LRCH4: variants seen among roughly 807,000 people sequenced by gnomAD.
LRCH4 encodes leucine-rich repeat and calponin homology domain-containing protein 4.
LRCH4 carries 56 observed loss-of-function variants against 81.2 expected under a neutral mutation model. That is an observed-to-expected ratio of 0.69 (90% CI 0.56 to 0.86). LRCH4 has a LOEUF of 0.86. LRCH4 is among the 40% of genes least tolerant of loss of function. The probability of loss-of-function intolerance (pLI) is 0.00; values close to 1 mark genes in which losing one functional copy is unlikely to be tolerated. For missense variants in LRCH4, 895 were observed against 922.8 expected, an observed-to-expected ratio of 0.97 and a Z score of 0.39; for synonymous variants, 442 against 409.7, an observed-to-expected ratio of 1.08 and a Z score of -0.95.
At position 100,576,759 on chromosome 7, in the gene LRCH4, C is replaced by A. The variant is rs1255026072; in HGVS notation, c.1487G>T (p.Arg496Leu). 1.3e-6 allele frequency: 2 copies of A among 1,595,876 alleles called. No homozygotes were observed. The highest frequency in any genetic ancestry group is 2.3e-5 in the East Asian group (1 of 44,138). ...TGGTCTCTGAATGGAGCCAAGTGGCCGTGGAGCAGGTGCTGTCGCTGGGGC... is the reference window on the plus strand; with the variant it reads ...TGGTCTCTGAATGGAGCCAAGTGGCAGTGGAGCAGGTGCTGTCGCTGGGGC... ...IAGPATAPAP[R>L]PLGSIQRPNS... Residue 496 changes from arginine to leucine, a missense_variant, in exon 14 of 18, where the codon CGG becomes CTG. By Grantham distance (102) the Arg-to-Leu change is moderately radical. Transcript: ENST00000310300.
In LRCH4 at chr7:100,578,900, T is replaced by TC; in HGVS notation, c.599-115dup. On this transcript the variant is annotated intron_variant, in intron 4 of 17. Coordinates refer to ENST00000310300, the MANE Select transcript of LRCH4 (RefSeq NM_002319.5). This position sits in a 1 kb window ranked among gnomAD's most constrained non-coding sequence, Gnocchi z 5.7. Reference sequence around the variant, plus strand: ...GTCACCCTGGGCCCAGCACAGCCTCTCCCCTGGGTGGCTCAAGTCATTCCC... The same window carrying TC: ...GTCACCCTGGGCCCAGCACAGCCTCTCCCCCTGGGTGGCTCAAGTCATTCCC... The TC allele has an allele frequency of 1.3e-5, 15 of 1,139,222 alleles. No individual in the cohort carries two copies. The highest frequency in any genetic ancestry group is 1.9e-5 in the Non-Finnish European group (15 of 804,610). 70.6% of individuals were successfully genotyped at this position (1,139,222 alleles called of 1,614,324 possible). A position where few individuals can be genotyped will look rare whatever the true frequency, so the allele number is the denominator to read the frequency against.
In LRCH4 at chr7:100,581,214, C is replaced by G. The variant is rs889021421; in HGVS notation, c.598+563G>C. On this transcript the variant is annotated intron_variant, in intron 4 of 17. Transcript: ENST00000310300. The stretch of plus-strand genomic sequence containing the variant: ...TGTGCCTGTGTCCACGTTTCTAACA[C>G]AGCTGCTCATCTGCGCCCTGCCAGC... Among the ~76,000 whole-genome samples the G allele has an allele frequency of 2.0e-5, 3 of 152,214 alleles. No homozygotes were observed. The South Asian group carries it at 6.2e-4, about 31-fold the overall frequency.
At position 100,574,288 on chromosome 7, in the gene LRCH4, G is replaced by A. The variant is rs1284755518; in HGVS notation, c.*819C>T. The A allele has an allele frequency of 1.6e-5, 3 of 182,584 alleles. No homozygotes were observed. The highest frequency in any genetic ancestry group is 4.9e-4 in the Middle Eastern group (1 of 2,022). 11.3% of individuals were successfully genotyped at this position (182,584 alleles called of 1,614,324 possible). A position where few individuals can be genotyped will look rare whatever the true frequency, so the allele number is the denominator to read the frequency against. On this transcript the variant is annotated 3_prime_UTR_variant, in exon 18 of 18. Transcript: ENST00000310300. ...CCAGCAGGGCGTGGACGACAGCAGC[G>A]ATGTAGGGGAGGCCCCTTCCCGGGG...
In LRCH4 at chr7:100,578,515, T is replaced by C; in HGVS notation, c.736-4A>G. On this transcript the variant is annotated splice_polypyrimidine_tract_variant and splice_region_variant and intron_variant, in intron 5 of 17. Coordinates refer to ENST00000310300, the MANE Select transcript of LRCH4 (RefSeq NM_002319.5). The surrounding 1 kb of genome is among the most constrained non-coding windows in gnomAD (Gnocchi z 5.7). Reference sequence around the variant, plus strand: ...GAAGTTTCCCCTTCAGGCAGACCTGTGTGCGGGGCAGCACACGCCAGGGAG... The same window carrying C: ...GAAGTTTCCCCTTCAGGCAGACCTGCGTGCGGGGCAGCACACGCCAGGGAG... 1.9e-6 allele frequency: 3 copies of C among 1,612,712 alleles called. No homozygotes were observed. Among genetic ancestry groups the C allele is most frequent in the Non-Finnish European group, 2.5e-6 (3 of 1,179,194 alleles).
rs763606501 is a variant in LRCH4 at position 100,582,007 on chromosome 7, G to T, written c.492+34C>A. On this transcript the variant is annotated intron_variant, in intron 3 of 17. Transcript: ENST00000310300. The surrounding 1 kb of genome is among the most constrained non-coding windows in gnomAD (Gnocchi z 5.0). The stretch of plus-strand genomic sequence containing the variant: ...CTAGAAGGTCCCGCTGCCTGGCTCA[G>T]GGGTCCCTTTCCTGGTCCCGTCCCC... The T allele has an allele frequency of 7.5e-6, 12 of 1,600,396 alleles. No individual in the cohort carries two copies. Among genetic ancestry groups the T allele is most frequent in the Non-Finnish European group, 9.4e-6 (11 of 1,173,048 alleles).
chr7:100,577,058 G>T lies in LRCH4; in HGVS notation c.1364+28C>A, dbSNP rs752251851. On this transcript the variant is annotated intron_variant, in intron 12 of 17. Transcript: ENST00000310300. The surrounding 1 kb of genome is among the most constrained non-coding windows in gnomAD (Gnocchi z 6.7). ...GGATGATGGTCATAGGAAGAGGAGT[G>T]GGGAGGGGATGCTGGCAGGAAACCT... The T allele has an allele frequency of 1.5e-5, 25 of 1,613,952 alleles. No individual in the cohort carries two copies. The highest frequency in any genetic ancestry group is 1.6e-4 in the Middle Eastern group (1 of 6,084).
At position 100,575,865 on chromosome 7, in the gene LRCH4, A is replaced by G. The variant is rs767786102; in HGVS notation, c.1776+6T>C. The G allele has an allele frequency of 5.0e-6, 8 of 1,613,062 alleles. No homozygotes were observed. Among genetic ancestry groups the G allele is most frequent in the East Asian group, 2.2e-5 (1 of 44,880 alleles). On this transcript the variant is annotated splice_donor_region_variant and intron_variant, in intron 16 of 17. Transcript: ENST00000310300. This position sits in a 1 kb window ranked among gnomAD's most constrained non-coding sequence, Gnocchi z 5.3. Reference sequence around the variant, plus strand: ...ATCCCCCACCTCTTCCCCAGCCCCAACTGACCACAGCAGGGGAGGGCACAT... The same window carrying G: ...ATCCCCCACCTCTTCCCCAGCCCCAGCTGACCACAGCAGGGGAGGGCACAT...
At chr7:100,580,012 G>C (rs1453199349) in intron 4 of LRCH4, 4 of 152,192 alleles carry the variant, frequency 2.6e-5, no homozygotes, top group African/African-American at 7.2e-5. Flanking sequence ...GGAGTAGGGA[G>C]ACAGGGAAAG....
At chr7:100,576,541 G>C in intron 14 of LRCH4, 153 bp downstream of exon 14, 1 of 729,572 alleles carries the variant, frequency 1.4e-6, no homozygotes, top group African/African-American at 1.8e-5. Flanking sequence ...TGCGATTACA[G>C]GTGTGAGCCA....
In LRCH4 at chr7:100,577,674, C is replaced by T; in HGVS notation, c.1106G>A (p.Gly369Asp). Residue 369 changes from glycine (G) to aspartate (D), a missense_variant, in exon 9 of 18, where the codon GGC (glycine) becomes GAC (aspartate). Transcript: ENST00000310300. The surrounding 1 kb of genome is among the most constrained non-coding windows in gnomAD (Gnocchi z 6.7). ...SHVPGEDEER[G>D]TVEEQRPPEL... Reference sequence around the variant, plus strand: ...TAGCTGGGCTCTCACCTCCACAGTGCCTCGCTCTTCATCCTCCCCGGGGAC... The same window carrying T: ...TAGCTGGGCTCTCACCTCCACAGTGTCTCGCTCTTCATCCTCCCCGGGGAC... 1.9e-6 allele frequency: 3 copies of T among 1,613,848 alleles called. No homozygotes were observed. The highest frequency in any genetic ancestry group is 2.5e-6 in the Non-Finnish European group (3 of 1,179,992).
intron 4 of LRCH4, chr7:100,579,043 G>A (rs1801457130): frequency 7.7e-6 from 4 of 518,102 alleles, no homozygotes; most frequent in East Asian, 6.8e-5. Flanking sequence ...CCATCCGGAC[G>A]TCAGGTCCCG....
In LRCH4 at chr7:100,577,213, G is replaced by GGTGGCCCCATTTCCAGGGCTCA. The variant is rs1801392670; in HGVS notation, c.1295+38_1295+59dup. 6.0e-5 allele frequency: 97 copies of GGTGGCCCCATTTCCAGGGCTCA among 1,609,086 alleles called. No homozygotes were observed. The South Asian group carries it at 9.6e-4, about 16-fold the overall frequency. On this transcript the variant is annotated intron_variant, in intron 11 of 17. Transcript: ENST00000310300. This position sits in a 1 kb window ranked among gnomAD's most constrained non-coding sequence, Gnocchi z 6.7. ...AAGGCAGAACGGCTCAGCGGGGCTCGGTGGCCCCATTTCCAGGGCTCAGTG... is the reference window on the plus strand; with the variant it reads ...AAGGCAGAACGGCTCAGCGGGGCTCGGTGGCCCCATTTCCAGGGCTCAGTGGCCCCATTTCCAGGGCTCAGTG...
intron 4 of LRCH4, 133 bp downstream of exon 4, chr7:100,581,644 A>G (rs1801562269): frequency 5.5e-6 from 4 of 732,162 alleles, no homozygotes; most frequent in Non-Finnish European, 9.1e-6. Flanking sequence ...CCTGAACTTC[A>G]GCTTCCAGAA....
chr7:100,584,095 A>G (rs1801642217), intron 1 of LRCH4: 1 of 454,834 alleles, frequency 2.2e-6, no homozygotes, highest in Non-Finnish European at 4.4e-6. Context: ...CAGCGAAGAC[A>G]CTCAGAAAGA....
At position 100,575,231 on chromosome 7, in the gene LRCH4, T is replaced by C; in HGVS notation, c.1928A>G (p.Lys643Arg). ...CGGTAGGGCCTTGCCCCCCACCCGC[T>C]TCACGGCCTCCAGCGCGGTCCGCAG... is the stretch of plus-strand genomic sequence containing the variant. ...RGLRTALEAV[K>R]RVGGKALPPL... Residue 643 changes from lysine to arginine, a missense_variant, in exon 18 of 18, where the codon AAG becomes AGG. Around this residue, in one of 3 missense-constraint regions of LRCH4, gnomAD observed 529 missense variants for 504.9 expected, o/e 1.05. Transcript: ENST00000310300. This position sits in a 1 kb window ranked among gnomAD's most constrained non-coding sequence, Gnocchi z 5.3. The C allele has an allele frequency of 1.2e-6, 2 of 1,605,896 alleles. No homozygotes were observed. Among genetic ancestry groups the C allele is most frequent in the South Asian group, 2.2e-5 (2 of 90,194 alleles).
chr7:100,585,935 G>A lies in LRCH4; in HGVS notation c.166C>T (p.His56Tyr). 6.2e-7 allele frequency: 1 copy of A among 1,612,352 alleles called. No individual in the cohort carries two copies. Among genetic ancestry groups the A allele is most frequent in the Non-Finnish European group, 8.5e-7 (1 of 1,179,108 alleles). The change falls in exon 1 of 18, where the codon CAC (histidine) becomes TAC (tyrosine). Residue 56 changes from histidine (H) to tyrosine (Y), a missense_variant. Around this residue, in one of 3 missense-constraint regions of LRCH4, gnomAD observed 360 missense variants for 397.0 expected, o/e 0.91. Coordinates refer to ENST00000310300, the MANE Select transcript of LRCH4 (RefSeq NM_002319.5). ...TLNLSNRRLK[H>Y]FPRGAARSYD... ...CTACGGGCCGCGCCCCGGGGGAAGTGCTTCAAGCGCCGGTTAGACAGGTTC... is the reference window on the plus strand; with the variant it reads ...CTACGGGCCGCGCCCCGGGGGAAGTACTTCAAGCGCCGGTTAGACAGGTTC...
Position 100,582,538 on chromosome 7 carries a change from GC to G in LRCH4, c.221-80del. ...ACCTTCAGTCCCCCCAGAGCCGGCT[GC>G]CCACTCCCTCACCTCCACACCTAAA... is the stretch of plus-strand genomic sequence containing the variant. On this transcript the variant is annotated intron_variant, in intron 1 of 17. Transcript: ENST00000310300. The surrounding 1 kb of genome is among the most constrained non-coding windows in gnomAD (Gnocchi z 5.0). The G allele has an allele frequency of 7.0e-7, 1 of 1,427,586 alleles. No homozygotes were observed. Among genetic ancestry groups the G allele is most frequent in the Non-Finnish European group, 9.5e-7 (1 of 1,048,400 alleles). 88.4% of individuals were successfully genotyped at this position (1,427,586 alleles called of 1,614,324 possible).
Position 100,583,939 on chromosome 7 carries a change from TG to T in LRCH4, c.221-1481del. The T allele has an allele frequency of 6.1e-6, 2 of 325,502 alleles. No individual in the cohort carries two copies. The highest frequency in any genetic ancestry group is 1.2e-5 in the Non-Finnish European group (2 of 160,628). 20.2% of individuals were successfully genotyped at this position (325,502 alleles called of 1,614,324 possible). On this transcript the variant is annotated intron_variant, in intron 1 of 17. Transcript: ENST00000310300. The surrounding 1 kb of genome is among the most constrained non-coding windows in gnomAD (Gnocchi z 4.3). ...GGAGCTCAGGCAGGAGGCAGGGCAC[TG>T]GGGGCACAGGATGTGGTCTGGGAGA...
rs371553580 is a variant in LRCH4, at chr7:100,576,220, G to C, written c.1638+18C>G. On this transcript the variant is annotated intron_variant, in intron 15 of 17. Transcript: ENST00000310300. ...CCCGGCCCAGGCCCCTGCCCACGCA[G>C]CTCCCGCCTCTGCTCACCTGGCGCA... 56 of 1,612,218 alleles carry C rather than the reference G, an allele frequency of 3.5e-5. No individual in the cohort carries two copies. Among genetic ancestry groups the C allele is most frequent in the Non-Finnish European group, 4.7e-5 (56 of 1,179,004 alleles).
Sources: gnomAD v4.1 joint callset for allele counts (sites outside exome capture counted in the v4.1 genomes callset) on GRCh38, gnomAD v4.1.1 for gene constraint, gnomAD v4.1.1 regional missense constraint, Gnocchi (gnomAD v3.1) non-coding constraint, MANE v1.5 for transcripts, NCBI Gene and HGNC (gene_info 2026-07-23, HGNC 2026-07-21) for gene names.